MAP6: variants seen among roughly 807,000 people sequenced by gnomAD.
MAP6 encodes the protein microtubule associated protein 6, also known as microtubule-associated protein 6.
Under a neutral mutation model 42.4 loss-of-function variants are expected in MAP6, and 26 were observed. The observed-to-expected ratio is 0.61, with a 90% CI of 0.45 to 0.85. MAP6 has a LOEUF of 0.85. Among genes scored for constraint, MAP6 ranks in the 40% least tolerant of loss-of-function variants. The pLI is 0.00. For synonymous variants in MAP6, 418 were observed against 443.8 expected, an observed-to-expected ratio of 0.94 and a Z score of 0.73; for missense variants, 966 against 1,099.0, an observed-to-expected ratio of 0.88 and a Z score of 1.71.
intron 1 of MAP6, among the ~76,000 whole-genome samples, chr11:75,662,435 C>T (rs1943868644): frequency 6.6e-6 from 1 of 152,080 alleles, no homozygotes; most frequent in South Asian, 2.1e-4. Flanking sequence ...AAATGGCAAC[C>T]TTTGCCATGT....
At chr11:75,588,636 G>A (rs1483850760) in intron 3 of MAP6, among the ~76,000 whole-genome samples, 1 of 152,026 alleles carries the variant, frequency 6.6e-6, no homozygotes, top group Non-Finnish European at 1.5e-5. Flanking sequence ...TTGTTCTCAG[G>A]GCCTTCAAAG....
intron 1 of MAP6, among the ~76,000 whole-genome samples, chr11:75,640,183 A>ACC (rs1943439473): frequency 7.0e-6 from 1 of 141,882 alleles, no homozygotes; most frequent in Non-Finnish European, 1.5e-5. Context: ...TCCCCAACCA[A>ACC]CCCCCACCCC....
intron 2 of MAP6, chr11:75,607,238 T>C (rs1448826573): frequency 2.5e-5 from 25 of 985,354 alleles, no homozygotes; most frequent in Middle Eastern, 5.2e-4. Context: ...CTGGGCCAAA[T>C]AGGAAACTCC....
chr11:75,626,399 G>A (rs955424683), intron 1 of MAP6, among the ~76,000 whole-genome samples: 1 of 152,192 alleles, frequency 6.6e-6, no homozygotes, highest in Non-Finnish European at 1.5e-5. Flanking sequence ...GACCCTGGAA[G>A]CAGCAGGAGC....
At chr11:75,594,896 A>G (rs1266366081) in intron 3 of MAP6, among the ~76,000 whole-genome samples, 1 of 152,198 alleles carries the variant, frequency 6.6e-6, no homozygotes, top group African/African-American at 2.4e-5. Context: ...ACCTGGGTAC[A>G]GGCACCACCT....
Position 75,668,025 on chromosome 11 carries a change from GCCGGAGGTGGA to G in MAP6, c.334_344del (p.Ser112ProfsTer96). 8.1e-7 allele frequency: 1 copy of G among 1,233,416 alleles called. No individual in the cohort carries two copies. Among genetic ancestry groups the G allele is most frequent in the Non-Finnish European group, 1.0e-6 (1 of 988,430 alleles). The allele number at this position is 1,233,416 out of a possible 1,614,324, so 76.4% of individuals were successfully genotyped here. A position where few individuals can be genotyped will look rare whatever the true frequency, so the allele number is the denominator to read the frequency against. On this transcript the variant is annotated frameshift_variant, in exon 1 of 4. Coordinates refer to ENST00000304771, the MANE Select transcript of MAP6 (RefSeq NM_033063.2). LOFTEE classifies it high-confidence loss of function. ...CCTGCCGCATCACCGAGTCCGCGGG[GCCGGAGGTGGA>G]GCCGGAGCCCAGGCCCGGGCCCGGC... is the stretch of plus-strand genomic sequence containing the variant.
Position 75,587,605 on chromosome 11 carries a change from G to C in MAP6, c.1896C>G (p.Val632=). 1 of 1,614,178 alleles carries C rather than the reference G, an allele frequency of 6.2e-7. No individual in the cohort carries two copies. Among genetic ancestry groups the C allele is most frequent in the East Asian group, 2.2e-5 (1 of 44,884 alleles). ...PAPVKDEGPM[V]SAPIKDQDPM... is the part of the protein sequence containing the mutation. ...GATCTTGATCCTTGATAGGTGCTGA[G>C]ACCATGGGACCTTCATCCTTGACAG... The change falls in exon 4 of 4, where the codon GTC becomes GTG. Residue 632 remains valine, a synonymous_variant. Coordinates refer to ENST00000304771, the MANE Select transcript of MAP6 (RefSeq NM_033063.2).
At chr11:75,635,724 A>T (rs1943357401) in intron 1 of MAP6, among the ~76,000 whole-genome samples, 1 of 152,154 alleles carries the variant, frequency 6.6e-6, no homozygotes, top group Non-Finnish European at 1.5e-5. Context: ...AACATCTGTA[A>T]TGTTAGCCTC....
chr11:75,665,032 C>T (rs897532477), intron 1 of MAP6, among the ~76,000 whole-genome samples: 6 of 152,054 alleles, frequency 3.9e-5, no homozygotes, highest in Non-Finnish European at 7.4e-5. Context: ...ACTCCTGGCC[C>T]GAAAGCCATA....
At chr11:75,663,149 A>AT (rs1409994474) in intron 1 of MAP6, among the ~76,000 whole-genome samples, 3 of 151,190 alleles carry the variant, frequency 2.0e-5, no homozygotes, top group East Asian at 1.9e-4. Context: ...TTTTAGTACA[A>AT]TTTTTTGTAT....
At chr11:75,643,915 G>A (rs968074332) in intron 1 of MAP6, among the ~76,000 whole-genome samples, 4 of 152,198 alleles carry the variant, frequency 2.6e-5, no homozygotes, top group African/African-American at 9.6e-5. Context: ...TGGATGAATA[G>A]ATGGATGATT....
intron 1 of MAP6, among the ~76,000 whole-genome samples, chr11:75,647,083 T>C (rs1007817515): frequency 2.4e-4 from 36 of 151,380 alleles, no homozygotes; most frequent in African/African-American, 8.7e-4. Flanking sequence ...CAGGTTCAAG[T>C]GATTCTTCTG....
intron 1 of MAP6, among the ~76,000 whole-genome samples, chr11:75,624,560 G>A (rs1943164530): frequency 6.6e-6 from 1 of 152,074 alleles, no homozygotes; most frequent in Admixed American, 6.5e-5. Context: ...AGCTCCACGA[G>A]CTGCCCTGTA....
At position 75,587,279 on chromosome 11, in the gene MAP6, A is replaced by G; in HGVS notation, c.2222T>C (p.Ile741Thr). Residue 741 changes from isoleucine (I) to threonine (T), a missense_variant, in exon 4 of 4, where the codon ATA becomes ACA. Ile to Thr is a moderately conservative substitution (Grantham distance 89). Around this residue, in one of 2 missense-constraint regions of MAP6, gnomAD observed 943 missense variants for 1,049.9 expected, o/e 0.90. Transcript: ENST00000304771. ...TTGATTCTTCAGAGGTTCAGGGACT[A>G]TACGACCTTGATTCTTTGGAGGCTG... ...VLQPPKNQGR[I>T]VPEPLKNQVP... The G allele has an allele frequency of 3.7e-6, 6 of 1,614,180 alleles. No individual in the cohort carries two copies. Among genetic ancestry groups the G allele is most frequent in the South Asian group, 3.3e-5 (3 of 91,080 alleles).
At chr11:75,655,774 A>C (rs1194452844) in intron 1 of MAP6, among the ~76,000 whole-genome samples, 2 of 152,168 alleles carry the variant, frequency 1.3e-5, no homozygotes, top group African/African-American at 4.8e-5. Flanking sequence ...GGGGAACATG[A>C]GGGGACTTGG....
intron 1 of MAP6, among the ~76,000 whole-genome samples, chr11:75,644,937 A>G (rs1278790141): frequency 6.6e-6 from 1 of 152,218 alleles, no homozygotes; most frequent in Non-Finnish European, 1.5e-5. Flanking sequence ...GAAACCCTGA[A>G]TCAGAGCAGT....
chr11:75,629,806 C>T (rs545455338), intron 1 of MAP6, among the ~76,000 whole-genome samples: 2 of 151,968 alleles, frequency 1.3e-5, no homozygotes, highest in African/African-American at 4.8e-5. Flanking sequence ...ACAGTGAGGG[C>T]ATTGCCGGGA....
chr11:75,640,646 A>T, intron 1 of MAP6, among the ~76,000 whole-genome samples: 1 of 152,230 alleles, frequency 6.6e-6, no homozygotes, highest in Non-Finnish European at 1.5e-5. Flanking sequence ...AGAAAAAAAC[A>T]AACAACCACA....
At chr11:75,646,862 T>C (rs1455807732) in intron 1 of MAP6, among the ~76,000 whole-genome samples, 2 of 152,146 alleles carry the variant, frequency 1.3e-5, no homozygotes, top group African/African-American at 4.8e-5. Context: ...TAAATAAGCA[T>C]TGGGTATAAA....
Sources: allele counts gnomAD v4.1 joint callset (sites outside exome capture counted in the v4.1 genomes callset), GRCh38; gene constraint gnomAD v4.1.1; regional missense constraint gnomAD v4.1.1; transcripts MANE v1.5; gene names NCBI Gene and HGNC (gene_info 2026-07-23, HGNC 2026-07-21).